METTL15: variants seen among roughly 807,000 people sequenced by gnomAD.
The protein encoded by METTL15 is methyltransferase 15, mitochondrial 12S rRNA N4-cytidine, also known as 12S rRNA N(4)-cytidine methyltransferase METTL15.
Under a neutral mutation model 38.3 loss-of-function variants are expected in METTL15, and 34 were observed. That is an observed-to-expected ratio of 0.89 (90% CI 0.68 to 1.18). The LOEUF (loss-of-function observed/expected upper bound fraction) is 1.18, where lower values mean the gene tolerates loss of function less well. Among genes scored for constraint, METTL15 ranks in the 50% most tolerant of loss-of-function variants. The probability of loss-of-function intolerance (pLI) is 0.00; values close to 1 mark genes in which losing one functional copy is unlikely to be tolerated. For synonymous variants in METTL15, 162 were observed against 170.9 expected, an observed-to-expected ratio of 0.95 and a Z score of 0.41; for missense variants, 438 against 498.4, an observed-to-expected ratio of 0.88 and a Z score of 1.15.
intron 4 of METTL15, among the ~76,000 whole-genome samples, chr11:28,213,888 C>T (rs1257885312): frequency 5.3e-5 from 8 of 151,924 alleles, no homozygotes. Context: ...ATCTCCTGAC[C>T]TCATGATCCG....
At chr11:28,192,976 G>A (rs960655515) in intron 3 of METTL15, among the ~76,000 whole-genome samples, 1 of 151,958 alleles carries the variant, frequency 6.6e-6, no homozygotes, top group Non-Finnish European at 1.5e-5. Flanking sequence ...TTTATTATCT[G>A]TACAATCTTA....
chr11:28,139,823 G>GA (rs1323740523), intron 3 of METTL15, among the ~76,000 whole-genome samples: 2 of 151,904 alleles, frequency 1.3e-5, no homozygotes, highest in African/African-American at 2.4e-5. Context: ...GAAAAGAAAA[G>GA]AAAAAAACAG....
intron 3 of METTL15, among the ~76,000 whole-genome samples, chr11:28,165,622 T>G (rs2133751681): frequency 6.6e-6 from 1 of 152,268 alleles, no homozygotes; most frequent in East Asian, 1.9e-4. Flanking sequence ...TCTTTACAAC[T>G]AATTATTTCC....
chr11:28,272,531 A>G (rs1488127996), intron 4 of METTL15, among the ~76,000 whole-genome samples: 1 of 152,140 alleles, frequency 6.6e-6, no homozygotes, highest in Non-Finnish European at 1.5e-5. Context: ...GAACACATGG[A>G]CACAGGGCAG....
intron 5 of METTL15, among the ~76,000 whole-genome samples, chr11:28,395,127 C>T (rs1020441845): frequency 2.6e-5 from 4 of 152,034 alleles, no homozygotes; most frequent in East Asian, 3.9e-4. Context: ...TGACAATTAT[C>T]GTTTGCCCAC....
chr11:28,123,958 A>T, intron 3 of METTL15: 1 of 1,093,060 alleles, frequency 9.1e-7, no homozygotes, highest in East Asian at 2.9e-5. Flanking sequence ...ATTAATAATA[A>T]CAACATAGAG....
At chr11:28,317,740 TA>T (rs1857530293) in intron 6 of METTL15, among the ~76,000 whole-genome samples, 1 of 152,188 alleles carries the variant, frequency 6.6e-6, no homozygotes, top group Non-Finnish European at 1.5e-5. Flanking sequence ...TGTGTTCTAT[TA>T]TTATATGTAG....
chr11:28,356,126 A>C (rs1850087902), intron 4 of METTL15, among the ~76,000 whole-genome samples: 1 of 152,100 alleles, frequency 6.6e-6, no homozygotes, highest in African/African-American at 2.4e-5. Flanking sequence ...TTACCCTCTC[A>C]AAGAGGTCTT....
At chr11:28,378,010 C>T (rs927082649) in intron 5 of METTL15, among the ~76,000 whole-genome samples, 10 of 152,240 alleles carry the variant, frequency 6.6e-5, no homozygotes, top group African/African-American at 1.9e-4. Context: ...GCAGTCTGCC[C>T]GTTCTCAGAT....
intron 6 of METTL15, among the ~76,000 whole-genome samples, chr11:28,427,295 G>A (rs1462028852): frequency 1.3e-5 from 2 of 152,040 alleles, no homozygotes; most frequent in African/African-American, 4.8e-5. Context: ...TGGTCTATGT[G>A]TCTATTCTTG....
chr11:28,241,504 A>G (rs1854294922), intron 4 of METTL15, among the ~76,000 whole-genome samples: 1 of 151,676 alleles, frequency 6.6e-6, no homozygotes, highest in Admixed American at 6.6e-5. Flanking sequence ...ACTGCACTCC[A>G]GCCTGGGCGA....
At chr11:28,342,227 G>A (rs1432682672) in intron 3 of METTL15, among the ~76,000 whole-genome samples, 1 of 151,912 alleles carries the variant, frequency 6.6e-6, no homozygotes, top group Non-Finnish European at 1.5e-5. Flanking sequence ...ATTTAGTTGT[G>A]CACCCATTCT....
chr11:28,490,440 G>A (rs1176740057), intron 6 of METTL15, among the ~76,000 whole-genome samples: 1 of 152,044 alleles, frequency 6.6e-6, no homozygotes, highest in East Asian at 1.9e-4. Flanking sequence ...TATTTTGCAA[G>A]AATAATATAA....
At chr11:28,195,329 C>T (rs1851869855) in intron 3 of METTL15, among the ~76,000 whole-genome samples, 1 of 152,082 alleles carries the variant, frequency 6.6e-6, no homozygotes, top group African/African-American at 2.4e-5. Context: ...TACATTTCCA[C>T]CAGCAATGTA....
chr11:28,343,221 A>C (rs574902393), intron 3 of METTL15, among the ~76,000 whole-genome samples: 21 of 152,230 alleles, frequency 1.4e-4, no homozygotes, highest in African/African-American at 4.3e-4. Flanking sequence ...AGAAGAAAAA[A>C]AAAAAAAAAC....
intron 6 of METTL15, among the ~76,000 whole-genome samples, chr11:28,479,741 A>T (rs544791575): frequency 3.8e-4 from 58 of 152,322 alleles, no homozygotes; most frequent in African/African-American, 1.4e-3. Flanking sequence ...TGTGGCAATA[A>T]TAATCATCAG....
chr11:28,431,144 C>T (rs1158992451), intron 6 of METTL15, among the ~76,000 whole-genome samples: 1 of 80,748 alleles, frequency 1.2e-5, no homozygotes, highest in African/African-American at 3.7e-5. Flanking sequence ...CCGCCCCATC[C>T]GGGAGGGAGG....
Position 28,190,525 on chromosome 11 carries a change from A to G in METTL15, c.271-20537A>G, listed in dbSNP as rs538579214. On this transcript the variant is annotated intron_variant, in intron 3 of 6. Transcript: ENST00000407364. Reference sequence around the variant, plus strand: ...ATTTTAGAATTATTTTAGAATTACAAATTATTTGAATGTGAAGAGATTGTC... The same window carrying G: ...ATTTTAGAATTATTTTAGAATTACAGATTATTTGAATGTGAAGAGATTGTC... Among the ~76,000 whole-genome samples, 6 of 151,294 alleles carry G rather than the reference A, an allele frequency of 4.0e-5. No individual in the cohort carries two copies. The East Asian group carries it at 5.8e-4, about 15-fold the overall frequency.
chr11:28,378,011 G>A (rs4922803), intron 5 of METTL15, among the ~76,000 whole-genome samples: 64,086 of 151,710 alleles, frequency 0.42, 14,951 homozygotes, highest in Admixed American at 0.54. Context: ...CAGTCTGCCC[G>A]TTCTCAGATC....
Sources: gnomAD v4.1 joint callset for allele counts (sites outside exome capture counted in the v4.1 genomes callset) on GRCh38, gnomAD v4.1.1 for gene constraint, MANE v1.5 for transcripts, NCBI Gene and HGNC (gene_info 2026-07-23, HGNC 2026-07-21) for gene names.